The following ANK3 variants were observed in gnomAD, a reference collection of about 807,000 sequenced individuals.
ANK3 encodes ankyrin-3.
In ANK3, 57 loss-of-function variants were observed where a neutral mutation model predicts 370.9. The observed-to-expected ratio is 0.15, with a 90% confidence interval of 0.12 to 0.19. The LOEUF (loss-of-function observed/expected upper bound fraction) is 0.19, where lower values mean the gene tolerates loss of function less well. Ranked by LOEUF, ANK3 falls within the 10% of genes least tolerant of loss-of-function variation. ANK3 has a pLI of 1.00. For missense variants in ANK3, 4,439 were observed against 5,302.1 expected (o/e 0.84, Z 5.06); for synonymous variants, 1,929 against 1,946.3 (o/e 0.99, Z 0.23).
At chr10:60,533,741 A>G (rs1734167479) in intron 2 of ANK3, among the ~76,000 whole-genome samples, 1 of 152,144 alleles carries the variant, frequency 6.6e-6, no homozygotes, top group Non-Finnish European at 1.5e-5. Context: ...TAGCTGGTAG[A>G]GAAGAAAGTT....
intron 1 of ANK3, among the ~76,000 whole-genome samples, chr10:60,336,924 C>A (rs1230432230): frequency 1.3e-5 from 2 of 152,002 alleles, no homozygotes; most frequent in African/African-American, 4.8e-5. Context: ...AGGATGGCAC[C>A]TGAATGATGA....
At chr10:60,678,125 T>C (rs1486439041) in intron 1 of ANK3, among the ~76,000 whole-genome samples, 2 of 152,218 alleles carry the variant, frequency 1.3e-5, no homozygotes, top group East Asian at 3.8e-4. Flanking sequence ...ACATTCCAGG[T>C]ACACAAAGGC....
chr10:60,647,747 T>C (rs535700146), intron 1 of ANK3, among the ~76,000 whole-genome samples: 5 of 152,296 alleles, frequency 3.3e-5, no homozygotes, highest in South Asian at 4.1e-4. Flanking sequence ...AAACACGTCA[T>C]TGTATAGCAC....
chr10:60,529,254 A>G (rs191730760), intron 2 of ANK3, among the ~76,000 whole-genome samples: 306 of 152,266 alleles, frequency 2.0e-3, no homozygotes, highest in Non-Finnish European at 1.4e-3. Flanking sequence ...GCATGCAGTC[A>G]TCAGGCCTGA....
rs113421620 is a variant in ANK3 at position 60,627,027 on chromosome 10, T to C, written c.58-11803A>G. On this transcript the variant is annotated intron_variant, in intron 1 of 43. Transcript: ENST00000373827. ...GAGAAAGAGAACAGAGCCTTGGGAT[T>C]TGCCATATTTAGGGAGAGAAGCAAC... is the stretch of plus-strand genomic sequence containing the variant. Among the ~76,000 whole-genome samples, 117 of 152,062 alleles carry C rather than the reference T, an allele frequency of 7.7e-4. 1 individual carries two copies. The highest frequency in any genetic ancestry group is 6.8e-3 in the Middle Eastern group (2 of 294).
intron 10 of ANK3, among the ~76,000 whole-genome samples, chr10:60,206,342 G>A (rs1000418661): frequency 5.3e-5 from 8 of 152,074 alleles, no homozygotes; most frequent in South Asian, 2.1e-4. Flanking sequence ...GCATAGTGGC[G>A]TGCACCTGTA....
chr10:60,145,202 T>C (rs894451310), intron 23 of ANK3, among the ~76,000 whole-genome samples: 27 of 152,170 alleles, frequency 1.8e-4, no homozygotes, highest in Non-Finnish European at 5.9e-5. Flanking sequence ...TAGTTAATAG[T>C]ACAGACCAAA....
Position 60,075,482 on chromosome 10 carries a change from A to G in ANK3, c.5399T>C (p.Leu1800Pro). ...QSLRTPSASALYTSLGSSISA... is the reference protein window; with the variant it reads ...QSLRTPSASAPYTSLGSSISA... ...TATTGACGACCCAAGGGATGTATAG[A>G]GTGCACTTGCGGAAGGAGTTCTTAG... The change falls in exon 37 of 44, where the codon CTC (leucine) becomes CCC (proline). Residue 1800 changes from leucine (L) to proline (P), a missense_variant. Leu to Pro is a moderately conservative substitution (Grantham distance 98). Around this residue, in one of 13 missense-constraint regions of ANK3, gnomAD observed 679 missense variants for 791.0 expected, o/e 0.86. Transcript: ENST00000280772. 6.2e-7 allele frequency: 1 copy of G among 1,613,036 alleles called. No homozygotes were observed. The highest frequency in any genetic ancestry group is 8.5e-7 in the Non-Finnish European group (1 of 1,180,006).
chr10:60,544,809 T>A (rs2076925061), intron 2 of ANK3, among the ~76,000 whole-genome samples: 1 of 152,132 alleles, frequency 6.6e-6, no homozygotes, highest in South Asian at 2.1e-4. Context: ...TCATCACCAA[T>A]GTTTGTAAAT....
chr10:60,471,383 T>C (rs978106573), intron 2 of ANK3, among the ~76,000 whole-genome samples: 1 of 152,182 alleles, frequency 6.6e-6, no homozygotes, highest in African/African-American at 2.4e-5. Context: ...ATAAACCAGT[T>C]GGTATCATTT....
intron 1 of ANK3, among the ~76,000 whole-genome samples, chr10:60,657,247 C>A (rs1157685900): frequency 1.3e-5 from 2 of 152,146 alleles, no homozygotes; most frequent in African/African-American, 2.4e-5. Context: ...AATTACCTAC[C>A]ACTGGGTCCC....
intron 12 of ANK3, among the ~76,000 whole-genome samples, chr10:60,202,521 C>T (rs74232494): frequency 6.6e-6 from 1 of 152,182 alleles, no homozygotes; most frequent in South Asian, 2.1e-4. Flanking sequence ...AACTAGAGAC[C>T]GAGTGTATCT....
chr10:60,043,703 C>T lies in ANK3; in HGVS notation c.13066-944G>A, dbSNP rs1171119414. 5 of 985,318 alleles carry T rather than the reference C, an allele frequency of 5.1e-6. No homozygotes were observed. In the African/African-American group the frequency reaches 5.2e-5, roughly 10 times the overall value. 61.0% of individuals were successfully genotyped at this position (985,318 alleles called of 1,614,324 possible). On this transcript the variant is annotated intron_variant, in intron 42 of 43. Transcript: ENST00000280772. ...TTTTAAAGCCTGTGCTTTTGGAGTG[C>T]TCTCCGCCCCTGTCCCAACAGACAC...
chr10:60,709,921 A>T lies in ANK3; in HGVS notation c.57+23342T>A, dbSNP rs2079679049. 4.6e-5 allele frequency among the ~76,000 whole-genome samples: 7 copies of T among 152,224 alleles called. No homozygotes were observed. The South Asian group carries it at 1.4e-3, about 31-fold the overall frequency. ...GTATTTATCAATATCATAGGTTTACAACATCTGTTTACAAGATGAATCATC... is the reference window on the plus strand; with the variant it reads ...GTATTTATCAATATCATAGGTTTACTACATCTGTTTACAAGATGAATCATC... On this transcript the variant is annotated intron_variant, in intron 1 of 43. Transcript: ENST00000373827.
intron 40 of ANK3, chr10:60,061,806 C>A (rs532122066): frequency 1.3e-5 from 2 of 151,472 alleles, no homozygotes; most frequent in African/African-American, 4.8e-5. Flanking sequence ...CAGGAACTTT[C>A]TAAGAATTTT....
intron 1 of ANK3, among the ~76,000 whole-genome samples, chr10:60,703,835 A>T (rs538926973): frequency 3.1e-4 from 47 of 152,246 alleles, no homozygotes; most frequent in African/African-American, 1.1e-3. Flanking sequence ...TATGTGTAGT[A>T]GCTAGTCTTC....
At chr10:60,573,240 G>A (rs1243931787) in intron 2 of ANK3, among the ~76,000 whole-genome samples, 1 of 150,578 alleles carries the variant, frequency 6.6e-6, no homozygotes, top group Non-Finnish European at 1.5e-5. Context: ...TTTTTTTAAT[G>A]TGACATGCAA....
chr10:60,452,743 G>A (rs1195575733), intron 2 of ANK3, among the ~76,000 whole-genome samples: 1 of 152,116 alleles, frequency 6.6e-6, no homozygotes, highest in Non-Finnish European at 1.5e-5. Context: ...TTGTTTGCAG[G>A]TTTTCCTGCA....
intron 4 of ANK3, among the ~76,000 whole-genome samples, chr10:60,276,131 G>A (rs1213653927): frequency 3.3e-5 from 5 of 152,126 alleles, no homozygotes; most frequent in Non-Finnish European, 5.9e-5. Context: ...CTAGTTTATA[G>A]AGCCTTGGTT....
Sources: allele counts gnomAD v4.1 joint callset (sites outside exome capture counted in the v4.1 genomes callset), GRCh38; gene constraint gnomAD v4.1.1; regional missense constraint gnomAD v4.1.1; transcripts MANE v1.5; gene names NCBI Gene and HGNC (gene_info 2026-07-23, HGNC 2026-07-21).